Variants in VTA1 observed in about 807,000 individuals in gnomAD.
VTA1 encodes vacuolar protein sorting-associated protein VTA1 homolog.
VTA1 carries 24 observed loss-of-function variants against 36.9 expected under a neutral mutation model. The ratio of observed to expected loss-of-function variants is 0.65; its 90% CI spans 0.47 to 0.91. The LOEUF (loss-of-function observed/expected upper bound fraction) is 0.91, where lower values mean the gene tolerates loss of function less well. Ranked by LOEUF, VTA1 falls within the 40% of genes least tolerant of loss-of-function variation. The pLI is 0.00. For missense variants in VTA1, 393 were observed against 377.2 expected (o/e 1.04, Z -0.35); for synonymous variants, 142 against 130.2 (o/e 1.09, Z -0.62).
At chr6:142,187,642 G>A (rs1775364523) in intron 4 of VTA1, among the ~76,000 whole-genome samples, 1 of 152,222 alleles carries the variant, frequency 6.6e-6, no homozygotes, top group Admixed American at 6.5e-5. Context: ...AAGCTCATTT[G>A]TGAAGTGGAG....
chr6:142,208,873 A>C (rs1223253007), intron 7 of VTA1, among the ~76,000 whole-genome samples: 1 of 152,230 alleles, frequency 6.6e-6, no homozygotes, highest in Non-Finnish European at 1.5e-5. Context: ...CCCATCCTGC[A>C]AGAAAAGCTA....
intron 1 of VTA1, among the ~76,000 whole-genome samples, chr6:142,165,983 T>C (rs79122125): frequency 6.7e-6 from 1 of 149,838 alleles, no homozygotes; most frequent in African/African-American, 2.5e-5. Flanking sequence ...TAGTCCTCTT[T>C]TTTTTTTTTT....
At chr6:142,182,990 A>G (rs1210090015) in intron 4 of VTA1, among the ~76,000 whole-genome samples, 1 of 152,128 alleles carries the variant, frequency 6.6e-6, no homozygotes, top group Non-Finnish European at 1.5e-5. Flanking sequence ...AGGAGCGCGC[A>G]GCAAGGGAGA....
chr6:142,210,943 A>G (rs983220272), intron 7 of VTA1, among the ~76,000 whole-genome samples: 1 of 152,260 alleles, frequency 6.6e-6, no homozygotes, highest in Admixed American at 6.5e-5. Flanking sequence ...ATGAATGAAT[A>G]AAGAAAATGT....
intron 6 of VTA1, among the ~76,000 whole-genome samples, chr6:142,199,750 T>C (rs996518127): frequency 4.6e-5 from 7 of 152,146 alleles, no homozygotes; most frequent in Non-Finnish European, 7.4e-5. Context: ...AAATGATAAT[T>C]TTAGCACTGA....
At chr6:142,203,035 T>A (rs1775720772) in intron 6 of VTA1, among the ~76,000 whole-genome samples, 1 of 152,020 alleles carries the variant, frequency 6.6e-6, no homozygotes, top group South Asian at 2.1e-4. Context: ...TCAAAACTTC[T>A]TACCAGAAGA....
At chr6:142,170,058 A>G (rs1774998658) in intron 3 of VTA1, among the ~76,000 whole-genome samples, 1 of 152,198 alleles carries the variant, frequency 6.6e-6, no homozygotes, top group Admixed American at 6.5e-5. Context: ...GAAATACATT[A>G]TGGTTTGATA....
intron 4 of VTA1, among the ~76,000 whole-genome samples, chr6:142,170,726 C>T (rs111498201): frequency 0.034 from 5,128 of 151,342 alleles, 302 homozygotes; most frequent in African/African-American, 0.12. Flanking sequence ...TCAGCCTGCC[C>T]GGGCTCAAGC....
At position 142,157,845 on chromosome 6, in the gene VTA1, G is replaced by T. The variant is rs184888036; in HGVS notation, c.113-8383G>T. ...ATATTTATTTTTCTGTGGCTTGTCA[G>T]ATTTTTATGTTTTTACTATTTTGGG... On this transcript the variant is annotated intron_variant, in intron 1 of 7. Coordinates refer to ENST00000367630, the MANE Select transcript of VTA1 (RefSeq NM_016485.5). Among the ~76,000 whole-genome samples, 59 of 146,358 alleles carry T rather than the reference G, an allele frequency of 4.0e-4. No individual in the cohort carries two copies. The East Asian group carries it at 0.012, about 30-fold the overall frequency.
At chr6:142,151,882 A>T (rs1271087302) in intron 1 of VTA1, among the ~76,000 whole-genome samples, 1 of 152,194 alleles carries the variant, frequency 6.6e-6, no homozygotes, top group Non-Finnish European at 1.5e-5. Flanking sequence ...AAAAATACAG[A>T]AATTAGCTGG....
At chr6:142,187,079 C>A (rs1431911487) in intron 4 of VTA1, among the ~76,000 whole-genome samples, 1 of 152,052 alleles carries the variant, frequency 6.6e-6, no homozygotes, top group Admixed American at 6.5e-5. Context: ...AGAAATTTGG[C>A]TTTTATGTAA....
At chr6:142,149,155 T>A (rs887655570) in intron 1 of VTA1, among the ~76,000 whole-genome samples, 6 of 152,332 alleles carry the variant, frequency 3.9e-5, no homozygotes, top group Middle Eastern at 3.4e-3. Flanking sequence ...TATAGGTAAG[T>A]TTGAAATAGT....
intron 1 of VTA1, among the ~76,000 whole-genome samples, chr6:142,164,278 C>G (rs572623724): frequency 6.6e-6 from 1 of 152,124 alleles, no homozygotes; most frequent in Non-Finnish European, 1.5e-5. Flanking sequence ...ATTAGCATCC[C>G]TTTGTATGTC....
chr6:142,198,111 A>ATGTGTGTGTG (rs1775594642), intron 5 of VTA1, among the ~76,000 whole-genome samples: 1 of 93,512 alleles, frequency 1.1e-5, no homozygotes, highest in African/African-American at 3.9e-5. Flanking sequence ...AAAAATATAT[A>ATGTGTGTGTG]TATATATATG....
At chr6:142,210,247 A>T (rs1019913555) in intron 7 of VTA1, among the ~76,000 whole-genome samples, 1 of 152,202 alleles carries the variant, frequency 6.6e-6, no homozygotes, top group Non-Finnish European at 1.5e-5. Context: ...CCCATCTCTC[A>T]TCCTACACAA....
At chr6:142,186,234 GA>G (rs1192308227) in intron 4 of VTA1, among the ~76,000 whole-genome samples, 4 of 151,982 alleles carry the variant, frequency 2.6e-5, no homozygotes, top group Non-Finnish European at 5.9e-5. Flanking sequence ...TGTAGTAACA[GA>G]AAAAAATGCA....
chr6:142,185,315 C>A (rs1193785307), intron 4 of VTA1, among the ~76,000 whole-genome samples: 4 of 152,172 alleles, frequency 2.6e-5, no homozygotes, highest in South Asian at 4.2e-4. Flanking sequence ...TTATATATCC[C>A]ATATTGCTAA....
At chr6:142,148,229 T>A (rs1443803578) in intron 1 of VTA1, among the ~76,000 whole-genome samples, 2 of 152,200 alleles carry the variant, frequency 1.3e-5, no homozygotes, top group Non-Finnish European at 2.9e-5. Context: ...CGTCCATTGT[T>A]GTGTATATTG....
chr6:142,164,889 A>G (rs1774885271), intron 1 of VTA1, among the ~76,000 whole-genome samples: 1 of 152,244 alleles, frequency 6.6e-6, no homozygotes, highest in Non-Finnish European at 1.5e-5. Flanking sequence ...CCAGGGATAC[A>G]TCAGCAAACC....
Sources: allele counts gnomAD v4.1 joint callset (sites outside exome capture counted in the v4.1 genomes callset), GRCh38; gene constraint gnomAD v4.1.1; transcripts MANE v1.5; gene names NCBI Gene and HGNC (gene_info 2026-07-23, HGNC 2026-07-21).